KIAA1217: variants seen among roughly 807,000 people sequenced by gnomAD.
KIAA1217 encodes sickle tail protein homolog.
A neutral mutation model predicts 163.9 loss-of-function variants in KIAA1217; 88 were observed. The ratio of observed to expected loss-of-function variants is 0.54; its 90% confidence interval spans 0.45 to 0.64. The LOEUF (loss-of-function observed/expected upper bound fraction) is 0.64. KIAA1217 is among the 30% of genes least tolerant of loss of function. KIAA1217 has a pLI of 0.00. For missense variants in KIAA1217, 2,372 were observed against 2,475.0 expected, an observed-to-expected ratio of 0.96 and a Z score of 0.88; for synonymous variants, 903 against 923.1, an observed-to-expected ratio of 0.98 and a Z score of 0.39.
chr10:24,159,193 T>C (rs1412362207), intron 2 of KIAA1217, among the ~76,000 whole-genome samples: 1 of 152,206 alleles, frequency 6.6e-6, no homozygotes, highest in South Asian at 2.1e-4. Context: ...ATTTGAATTA[T>C]GGTGTTTTAA....
At chr10:24,478,244 T>C (rs919598499) in intron 6 of KIAA1217, among the ~76,000 whole-genome samples, 1 of 152,212 alleles carries the variant, frequency 6.6e-6, no homozygotes, top group African/African-American at 2.4e-5. Flanking sequence ...CATCCAGTGG[T>C]AGCTTTTTTG....
At chr10:24,367,438 G>A (rs77354588) in intron 2 of KIAA1217, among the ~76,000 whole-genome samples, 2,593 of 152,284 alleles carry the variant, frequency 0.017, 90 homozygotes, top group African/African-American at 0.058. Flanking sequence ...TGCTTGCTTC[G>A]AAATATTTAA....
chr10:24,209,390 T>C (rs917515495), intron 1 of KIAA1217, 127 bp downstream of exon 1: 2 of 690,160 alleles, frequency 2.9e-6, no homozygotes, highest in Non-Finnish European at 4.9e-6. Flanking sequence ...TTTCTTGGGA[T>C]GGTACATTTT....
chr10:24,312,018 C>T (rs1379944589), intron 2 of KIAA1217, among the ~76,000 whole-genome samples: 5 of 152,066 alleles, frequency 3.3e-5, no homozygotes, highest in Admixed American at 2.0e-4. Context: ...CCTCCCTGTG[C>T]TGGTGTTAGA....
At chr10:24,312,625 A>T (rs919791480) in intron 2 of KIAA1217, among the ~76,000 whole-genome samples, 1 of 151,968 alleles carries the variant, frequency 6.6e-6, no homozygotes, top group African/African-American at 2.4e-5. Flanking sequence ...TTCAAAACCA[A>T]ACAAAAAAAA....
chr10:24,315,618 C>A (rs2043249066), intron 2 of KIAA1217, among the ~76,000 whole-genome samples: 1 of 152,090 alleles, frequency 6.6e-6, no homozygotes. Context: ...TGGTGGCCCA[C>A]ACCTGTAATC....
intron 1 of KIAA1217, among the ~76,000 whole-genome samples, chr10:23,893,778 A>C (rs1200862885): frequency 2.0e-5 from 3 of 152,088 alleles, no homozygotes; most frequent in African/African-American, 7.2e-5. Context: ...GCACATCAAA[A>C]AGCTTATCCA....
chr10:24,524,249 T>C, intron 12 of KIAA1217, 74 bp from the exon 13 acceptor site: 2 of 1,486,098 alleles, frequency 1.3e-6, no homozygotes, highest in South Asian at 1.3e-5. Flanking sequence ...GGCTTTGGGA[T>C]GACATAGCCT....
At chr10:24,020,970 C>A (rs1255402545) in intron 2 of KIAA1217, among the ~76,000 whole-genome samples, 1 of 151,890 alleles carries the variant, frequency 6.6e-6, no homozygotes, top group African/African-American at 2.4e-5. Context: ...CTACCTGCAA[C>A]CTATACTCAG....
At chr10:24,155,480 G>A (rs2064831720) in intron 2 of KIAA1217, among the ~76,000 whole-genome samples, 1 of 152,092 alleles carries the variant, frequency 6.6e-6, no homozygotes, top group Non-Finnish European at 1.5e-5. Context: ...TGGCATAGCT[G>A]GAACCAAGAC....
At chr10:23,982,709 A>G (rs1366549558) in intron 1 of KIAA1217, among the ~76,000 whole-genome samples, 3 of 151,474 alleles carry the variant, frequency 2.0e-5, no homozygotes, top group African/African-American at 7.3e-5. Flanking sequence ...GATTACAGGC[A>G]CCCGCCACCA....
In KIAA1217 at chr10:23,790,312, TACATATGC is replaced by T. The variant is rs1389095032; in HGVS notation, c.-321+95088_-321+95095del. Among the ~76,000 whole-genome samples, 2 of 88,452 alleles carry T rather than the reference TACATATGC, an allele frequency of 2.3e-5. 1 individual carries two copies. The highest frequency in any genetic ancestry group is 1.1e-4 in the African/African-American group (2 of 18,940). The allele number at this position is 88,452 out of a possible 152,430, so 58.0% of individuals were successfully genotyped here. On this transcript the variant is annotated intron_variant, in intron 1 of 18. Transcript: ENST00000376462. ...ATATGCATATGCACATATGCATATATACATATGCACATATGCATATATGCATATATACA... is the reference window on the plus strand; with the variant it reads ...ATATGCATATGCACATATGCATATATACATATGCATATATGCATATATACA...
At chr10:23,773,472 TA>T (rs1471677164) in intron 1 of KIAA1217, among the ~76,000 whole-genome samples, 2 of 151,958 alleles carry the variant, frequency 1.3e-5, no homozygotes, top group South Asian at 2.1e-4. Flanking sequence ...ATATGAACTT[TA>T]AAGTAGTTTT....
intron 2 of KIAA1217, among the ~76,000 whole-genome samples, chr10:24,016,418 C>G (rs1277490052): frequency 1.3e-5 from 2 of 152,042 alleles, no homozygotes; most frequent in African/African-American, 4.8e-5. Context: ...ACCTTTTATA[C>G]AAAGTATACA....
At chr10:24,104,049 C>T (rs1337571161) in intron 2 of KIAA1217, among the ~76,000 whole-genome samples, 1 of 152,122 alleles carries the variant, frequency 6.6e-6, no homozygotes. Flanking sequence ...TGTGGGGATT[C>T]ATTCATTACT....
In KIAA1217 at chr10:24,235,030, C is replaced by G. The variant is rs79246950; in HGVS notation, c.354+15121C>G. 5.4e-3 allele frequency among the ~76,000 whole-genome samples: 815 copies of G among 152,304 alleles called. 12 individuals are homozygous for G. The highest frequency in any genetic ancestry group is 0.053 in the East Asian group (274 of 5,180). On this transcript the variant is annotated intron_variant, in intron 2 of 20. Transcript: ENST00000376454. ...CAGATACATGTTGGAGGGATCAGCT[C>G]TATTAGTCACAGTTCTTCAGAATAT...
At chr10:23,828,775 T>C (rs1472173664) in intron 1 of KIAA1217, among the ~76,000 whole-genome samples, 1 of 152,206 alleles carries the variant, frequency 6.6e-6, no homozygotes, top group Non-Finnish European at 1.5e-5. Context: ...AGTTGGGATT[T>C]CAACCTAGGT....
chr10:23,735,521 T>A (rs1838743505), intron 1 of KIAA1217, among the ~76,000 whole-genome samples: 1 of 152,046 alleles, frequency 6.6e-6, no homozygotes, highest in African/African-American at 2.4e-5. Flanking sequence ...AAAATTATAT[T>A]TTTTTCTAAT....
At chr10:24,076,063 A>T (rs1417824971) in intron 2 of KIAA1217, among the ~76,000 whole-genome samples, 1 of 151,844 alleles carries the variant, frequency 6.6e-6, no homozygotes, top group Non-Finnish European at 1.5e-5. Context: ...ACTTGGGGGG[A>T]GTAGGGCCTC....
Sources: gnomAD v4.1 joint callset for allele counts (sites outside exome capture counted in the v4.1 genomes callset) on GRCh38, gnomAD v4.1.1 for gene constraint, MANE v1.5 for transcripts, NCBI Gene and HGNC (gene_info 2026-07-23, HGNC 2026-07-21) for gene names.